DAB1: variants seen among roughly 807,000 people sequenced by gnomAD.
DAB1 encodes the protein disabled homolog 1.
In DAB1, 15 loss-of-function variants were observed where a neutral mutation model predicts 64.6. The observed-to-expected ratio is 0.23, with a 90% CI of 0.16 to 0.36. The LOEUF (loss-of-function observed/expected upper bound fraction) is 0.36. Ranked by LOEUF, DAB1 falls within the 10% of genes least tolerant of loss-of-function variation. DAB1 has a pLI of 1.00. For synonymous variants in DAB1, 235 were observed against 251.9 expected, an observed-to-expected ratio of 0.93 and a Z score of 0.64; for missense variants, 596 against 706.7, an observed-to-expected ratio of 0.84 and a Z score of 1.78.
At chr1:57,488,083 A>G (rs746389919) in intron 7 of DAB1, among the ~76,000 whole-genome samples, 1 of 152,152 alleles carries the variant, frequency 6.6e-6, no homozygotes, top group Non-Finnish European at 1.5e-5. Flanking sequence ...GAATTGCTGG[A>G]TCAATTGGTA....
chr1:57,042,631 C>A (rs1262185819), intron 9 of DAB1, among the ~76,000 whole-genome samples: 2 of 151,988 alleles, frequency 1.3e-5, no homozygotes, highest in Admixed American at 6.6e-5. Context: ...ACCTAGATGG[C>A]CTAGTGGTCA....
chr1:57,655,227 A>G (rs11207089), intron 6 of DAB1, among the ~76,000 whole-genome samples: 6,609 of 152,102 alleles, frequency 0.043, 449 homozygotes, highest in African/African-American at 0.15. Context: ...CTATCTACAT[A>G]TCCGTCCATC....
intron 4 of DAB1, among the ~76,000 whole-genome samples, chr1:58,157,430 A>C (rs1655284546): frequency 6.6e-6 from 1 of 152,136 alleles, no homozygotes; most frequent in South Asian, 2.1e-4. Flanking sequence ...GGCCAGCGTG[A>C]GGAAATGGTA....
Position 58,545,074 on chromosome 1 carries a change from T to C in DAB1, n.32+1629A>G, listed in dbSNP as rs116459686. ...CATGGCTTCCACAAACTCCTTCATA[T>C]GGCGAACCAGGCCCTCCTACTACTT... On this transcript the variant is annotated intron_variant and non_coding_transcript_variant, in intron 1 of 20. Coordinates refer to the DAB1 transcript ENST00000485760. 4.2e-3 allele frequency among the ~76,000 whole-genome samples: 642 copies of C among 152,258 alleles called. 3 individuals carry two copies. The highest frequency in any genetic ancestry group is 0.015 in the African/African-American group (620 of 41,530).
chr1:57,203,151 G>A (rs1247280132), intron 2 of DAB1, among the ~76,000 whole-genome samples: 1 of 152,094 alleles, frequency 6.6e-6, no homozygotes, highest in African/African-American at 2.4e-5. Context: ...ATTTCTCTTA[G>A]CCACAGCCAT....
At chr1:57,291,887 T>A (rs1672806419) in intron 1 of DAB1, among the ~76,000 whole-genome samples, 1 of 152,148 alleles carries the variant, frequency 6.6e-6, no homozygotes, top group Non-Finnish European at 1.5e-5. Context: ...TACAACCACT[T>A]CACTTACAGG....
chr1:58,513,925 C>A (rs1646120751), intron 2 of DAB1, among the ~76,000 whole-genome samples: 1 of 152,158 alleles, frequency 6.6e-6, no homozygotes, highest in Non-Finnish European at 1.5e-5. Context: ...CACAAGTAGT[C>A]TGGTGACAGA....
intron 5 of DAB1, among the ~76,000 whole-genome samples, chr1:57,984,184 A>AAAAGAAAGAAAGAAAGAAAGAAAG (rs557402048): frequency 1.8e-4 from 9 of 50,652 alleles, no homozygotes; most frequent in African/African-American, 3.9e-4. Flanking sequence ...TAGCTTAAAA[A>AAAAGAAAGAAAGAAAGAAAGAAAG]AAAGAAAGAA....
intron 4 of DAB1, among the ~76,000 whole-genome samples, chr1:58,190,726 A>G (rs2100229086): frequency 6.6e-6 from 1 of 152,378 alleles, no homozygotes; most frequent in African/African-American, 2.4e-5. Flanking sequence ...TTTGAGGCAG[A>G]ATGAAAAGGG....
chr1:58,434,208 C>T (rs375313356), intron 3 of DAB1, among the ~76,000 whole-genome samples: 6 of 151,912 alleles, frequency 3.9e-5, no homozygotes, highest in Admixed American at 1.3e-4. Flanking sequence ...TGAGAACAGA[C>T]GTTAAGGGGC....
chr1:58,463,551 T>A (rs1645264338), intron 3 of DAB1, among the ~76,000 whole-genome samples: 1 of 152,218 alleles, frequency 6.6e-6, no homozygotes, highest in Non-Finnish European at 1.5e-5. Flanking sequence ...GGTATCCACA[T>A]CCTAAGGGGT....
intron 7 of DAB1, among the ~76,000 whole-genome samples, chr1:57,545,761 C>T (rs149800587): frequency 0.012 from 1,835 of 152,300 alleles, 14 homozygotes; most frequent in Non-Finnish European, 0.019. Flanking sequence ...AGTTTGCATT[C>T]TGGTTCATTC....
chr1:58,221,752 G>A (rs1325358541), intron 4 of DAB1, among the ~76,000 whole-genome samples: 3 of 152,190 alleles, frequency 2.0e-5, no homozygotes, highest in Middle Eastern at 3.2e-3. Context: ...AATGCAACAT[G>A]GCATCACCAG....
chr1:58,201,244 C>T (rs940120732), intron 4 of DAB1, among the ~76,000 whole-genome samples: 1 of 152,136 alleles, frequency 6.6e-6, no homozygotes, highest in African/African-American at 2.4e-5. Context: ...TCTCGATCTC[C>T]TGACCTCGTG....
intron 4 of DAB1, among the ~76,000 whole-genome samples, chr1:58,172,753 A>T (rs1277145660): frequency 6.6e-6 from 1 of 152,222 alleles, no homozygotes; most frequent in Non-Finnish European, 1.5e-5. Flanking sequence ...CTGTAGTTGA[A>T]AGTAAGCCTC....
chr1:57,331,899 T>C (rs1219544157), intron 1 of DAB1, among the ~76,000 whole-genome samples: 1 of 152,222 alleles, frequency 6.6e-6, no homozygotes, highest in Non-Finnish European at 1.5e-5. Context: ...CTTGGGTTCT[T>C]GATGACTTTC....
chr1:57,597,676 G>A (rs1317783412), intron 7 of DAB1, among the ~76,000 whole-genome samples: 1 of 152,242 alleles, frequency 6.6e-6, no homozygotes, highest in Non-Finnish European at 1.5e-5. Context: ...GAATGGGCCA[G>A]CCTTTTCAGG....
At chr1:58,153,574 A>T (rs1655063895) in intron 4 of DAB1, among the ~76,000 whole-genome samples, 1 of 152,154 alleles carries the variant, frequency 6.6e-6, no homozygotes, top group Non-Finnish European at 1.5e-5. Flanking sequence ...AAAATGTGAA[A>T]AACTCTGTGA....
rs1314958094 is a variant in DAB1 at position 57,781,114 on chromosome 1, CTCTCTCTCTCTCTATATATATATATATA to C, written n.551+102857_551+102884del. ...TCTCTCTCTCTCTCTCTCTCTCTCT[CTCTCTCTCTCTCTATATATATATATATA>C]TATATATATATATATATATATATAT... On this transcript the variant is annotated intron_variant and non_coding_transcript_variant, in intron 6 of 20. Transcript: ENST00000485760. 4.6e-3 allele frequency among the ~76,000 whole-genome samples: 288 copies of C among 62,682 alleles called. 1 individual carries two copies. Among genetic ancestry groups the C allele is most frequent in the East Asian group, 0.027 (65 of 2,450 alleles). 41.1% of individuals were successfully genotyped at this position (62,682 alleles called of 152,430 possible). A position where few individuals can be genotyped will look rare whatever the true frequency, so the allele number is the denominator to read the frequency against.
Sources: allele counts gnomAD v4.1 joint callset (sites outside exome capture counted in the v4.1 genomes callset), GRCh38; gene constraint gnomAD v4.1.1; transcripts MANE v1.5; gene names NCBI Gene and HGNC (gene_info 2026-07-23, HGNC 2026-07-21).